Variants in SNX4 observed in about 807,000 individuals in gnomAD.
The protein encoded by SNX4 is sorting nexin 4.
Under a neutral mutation model 70.8 loss-of-function variants are expected in SNX4, and 49 were observed. The observed-to-expected ratio is 0.69, with a 90% CI of 0.55 to 0.88. The LOEUF (loss-of-function observed/expected upper bound fraction) is 0.88, where lower values mean the gene tolerates loss of function less well. Ranked by LOEUF, SNX4 falls within the 40% of genes least tolerant of loss-of-function variation. SNX4 has a pLI of 0.00. For synonymous variants in SNX4, 206 were observed against 183.8 expected (o/e 1.12, Z -0.98); for missense variants, 528 against 544.8 (o/e 0.97, Z 0.31).
chr3:125,460,860 C>T lies in SNX4; in HGVS notation c.855G>A (p.Val285=), dbSNP rs755107797. Reference sequence around the variant, plus strand: ...AAATATCATCAATAGAAGATGCATACCTGTTTTAAAAAAAAAAACACACAT... The same window carrying T: ...AAATATCATCAATAGAAGATGCATATCTGTTTTAAAAAAAAAAACACACAT... ...GLQSAGHHMD[V]YASSIDDILE... Residue 285 remains valine, a splice_region_variant and synonymous_variant, in exon 10 of 14, where the codon GTG becomes GTA. Coordinates refer to ENST00000251775, the MANE Select transcript of SNX4 (RefSeq NM_003794.4). The T allele has an allele frequency of 7.7e-6, 11 of 1,427,084 alleles. No individual in the cohort carries two copies. Among genetic ancestry groups the T allele is most frequent in the Non-Finnish European group, 1.1e-5 (11 of 1,044,254 alleles). 88.4% of individuals were successfully genotyped at this position (1,427,084 alleles called of 1,614,324 possible).
chr3:125,489,023 TA>T (rs1404459187), intron 6 of SNX4, among the ~76,000 whole-genome samples: 1 of 152,218 alleles, frequency 6.6e-6, no homozygotes, highest in Non-Finnish European at 1.5e-5. Context: ...ATTTTCTTGG[TA>T]TACAAACTAG....
intron 8 of SNX4, among the ~76,000 whole-genome samples, chr3:125,473,716 A>T (rs1251090384): frequency 2.6e-5 from 4 of 152,136 alleles, no homozygotes; most frequent in African/African-American, 9.7e-5. Context: ...TGCCTGGCCT[A>T]AATTCAATTT....
intron 5 of SNX4, 76 bp downstream of exon 5, chr3:125,497,265 C>A: frequency 1.3e-6 from 1 of 798,908 alleles, no homozygotes; most frequent in Non-Finnish European, 2.0e-6. Context: ...CAATAAATAC[C>A]AAGTTCCCAA....
intron 13 of SNX4, among the ~76,000 whole-genome samples, chr3:125,450,353 G>A (rs533286628): frequency 4.6e-5 from 7 of 152,276 alleles, no homozygotes; most frequent in African/African-American, 7.2e-5. Flanking sequence ...CAGTGAGTGC[G>A]TATGGTGTTT....
intron 6 of SNX4, among the ~76,000 whole-genome samples, chr3:125,481,339 T>C (rs1455828674): frequency 2.0e-5 from 3 of 151,130 alleles, no homozygotes; most frequent in Admixed American, 6.6e-5. Context: ...TATTTTCTCA[T>C]GGCTTTCATT....
intron 1 of SNX4, chr3:125,517,180 CA>C (rs1183059614): frequency 5.3e-5 from 8 of 151,906 alleles, no homozygotes; most frequent in African/African-American, 1.9e-4. Flanking sequence ...TTTAATGAAG[CA>C]AAATGGCTTA....
At chr3:125,459,111 T>G (rs1579975501) in intron 10 of SNX4, among the ~76,000 whole-genome samples, 1 of 151,934 alleles carries the variant, frequency 6.6e-6, no homozygotes, top group African/African-American at 2.4e-5. Context: ...GAGGCAGAGG[T>G]GGCAGTGAGC....
intron 7 of SNX4, among the ~76,000 whole-genome samples, chr3:125,477,815 A>T (rs1012561785): frequency 6.6e-6 from 1 of 152,170 alleles, no homozygotes; most frequent in African/African-American, 2.4e-5. Flanking sequence ...TTGTAAACAG[A>T]GTCTCACTGG....
At chr3:125,448,820 C>A (rs1035926357) in intron 13 of SNX4, among the ~76,000 whole-genome samples, 1 of 151,516 alleles carries the variant, frequency 6.6e-6, no homozygotes, top group African/African-American at 2.4e-5. Flanking sequence ...GGACTACAGG[C>A]GCCTGCCACC....
At chr3:125,496,895 G>C (rs1276026659) in intron 5 of SNX4, among the ~76,000 whole-genome samples, 1 of 152,016 alleles carries the variant, frequency 6.6e-6, no homozygotes, top group East Asian at 1.9e-4. Flanking sequence ...GCATGACTAA[G>C]GGCTTATCTT....
chr3:125,510,501 T>A (rs1219537286), intron 1 of SNX4, among the ~76,000 whole-genome samples: 9 of 152,114 alleles, frequency 5.9e-5, no homozygotes, highest in Non-Finnish European at 4.4e-5. Flanking sequence ...AGTGCTGGGA[T>A]TACAGGCGTG....
intron 6 of SNX4, among the ~76,000 whole-genome samples, chr3:125,485,126 G>A (rs374305847): frequency 6.6e-6 from 1 of 151,932 alleles, no homozygotes; most frequent in East Asian, 1.9e-4. Flanking sequence ...CTTGCCTATA[G>A]TCCCAGTTAC....
chr3:125,468,721 C>A (rs753117306), intron 9 of SNX4, among the ~76,000 whole-genome samples: 2 of 151,972 alleles, frequency 1.3e-5, no homozygotes, highest in Non-Finnish European at 2.9e-5. Flanking sequence ...TGGTGGCATG[C>A]ACCTGTAGTC....
rs1933438799 is a variant in SNX4, at chr3:125,446,926, GA to G, written c.*852del. ...AGCAATAGAAAAGAAGGATGTTAAT[GA>G]TGAAGATAGCAACACATATGTTTAG... On this transcript the variant is annotated 3_prime_UTR_variant, in exon 14 of 14. Coordinates refer to ENST00000251775, the MANE Select transcript of SNX4 (RefSeq NM_003794.4). 6.6e-6 allele frequency: 1 copy of G among 152,562 alleles called. No homozygotes were observed. The allele number at this position is 152,562 out of a possible 1,614,324, so 9.5% of individuals were successfully genotyped here.
Position 125,474,122 on chromosome 3 carries a change from T to C in SNX4, c.788+2573A>G, listed in dbSNP as rs1329823274. The stretch of plus-strand genomic sequence containing the variant: ...GCCCTAAATTAAATCTTGGTATTCT[T>C]GGCACCTACCATGGTAACAGGAGCT... On this transcript the variant is annotated intron_variant, in intron 8 of 13. Transcript: ENST00000251775. 2.0e-5 allele frequency among the ~76,000 whole-genome samples: 3 copies of C among 152,160 alleles called. No individual in the cohort carries two copies. The East Asian group carries it at 5.8e-4, about 29-fold the overall frequency.
intron 9 of SNX4, among the ~76,000 whole-genome samples, 186 bp downstream of exon 9, chr3:125,469,268 G>T (rs1257432808): frequency 6.6e-6 from 1 of 152,186 alleles, no homozygotes; most frequent in East Asian, 1.9e-4. Context: ...GTTAAAATAT[G>T]AATTAGATGG....
intron 5 of SNX4, among the ~76,000 whole-genome samples, chr3:125,490,918 T>C (rs1934645452): frequency 6.6e-6 from 1 of 152,178 alleles, no homozygotes; most frequent in African/African-American, 2.4e-5. Flanking sequence ...TTGAAAATTT[T>C]ACACTATTAC....
intron 8 of SNX4, among the ~76,000 whole-genome samples, chr3:125,475,079 G>A (rs991982443): frequency 6.6e-6 from 1 of 151,994 alleles, no homozygotes; most frequent in Admixed American, 6.6e-5. Context: ...CATAGACCCT[G>A]GTCCTAGTTA....
At chr3:125,455,989 C>T (rs1034316570) in intron 11 of SNX4, among the ~76,000 whole-genome samples, 4 of 152,096 alleles carry the variant, frequency 2.6e-5, no homozygotes, top group Admixed American at 6.6e-5. Context: ...GGCAACAGAG[C>T]GAAACTCGGT....
Sources: gnomAD v4.1 joint callset for allele counts (sites outside exome capture counted in the v4.1 genomes callset) on GRCh38, gnomAD v4.1.1 for gene constraint, MANE v1.5 for transcripts, NCBI Gene and HGNC (gene_info 2026-07-23, HGNC 2026-07-21) for gene names.